Variants in OCA2 observed in about 807,000 individuals in gnomAD.
The protein encoded by OCA2 is OCA2 melanosomal transmembrane protein, also known as P protein.
In OCA2, 77 loss-of-function variants were observed where a neutral mutation model predicts 100.2. The observed-to-expected ratio is 0.77, with a 90% CI of 0.64 to 0.93. OCA2 has a LOEUF of 0.93. Ranked by LOEUF, OCA2 falls within the 40% of genes least tolerant of loss-of-function variation. OCA2 has a pLI of 0.00. For synonymous variants in OCA2, 432 were observed against 439.2 expected (o/e 0.98, Z 0.21); for missense variants, 1,062 against 1,089.1 (o/e 0.98, Z 0.35).
At chr15:27,876,872 T>C (rs1024502737) in intron 19 of OCA2, among the ~76,000 whole-genome samples, 1 of 151,902 alleles carries the variant, frequency 6.6e-6, no homozygotes, top group African/African-American at 2.4e-5. Flanking sequence ...TTTTTCTGCT[T>C]TGTCTGTTTC....
chr15:27,823,795 C>A lies in OCA2; in HGVS notation c.2432+21164G>T, dbSNP rs1036363069. 2.6e-5 allele frequency among the ~76,000 whole-genome samples: 4 copies of A among 152,048 alleles called. No homozygotes were observed. In the South Asian group the frequency reaches 6.2e-4, roughly 24 times the overall value. ...CAATAAATTAGTCATGTAGCTGCAACAATAAAAATAAAATGCAATGTTGAC... is the reference window on the plus strand; with the variant it reads ...CAATAAATTAGTCATGTAGCTGCAAAAATAAAAATAAAATGCAATGTTGAC... On this transcript the variant is annotated intron_variant, in intron 23 of 23. Coordinates refer to ENST00000354638, the MANE Select transcript of OCA2 (RefSeq NM_000275.3).
At chr15:28,016,533 C>A (rs1322812250) in intron 7 of OCA2, among the ~76,000 whole-genome samples, 1 of 152,232 alleles carries the variant, frequency 6.6e-6, no homozygotes, top group Admixed American at 6.5e-5. Context: ...AATCCCAACA[C>A]TTTGGGAGGC....
chr15:28,001,108 T>G (rs1485395540), intron 9 of OCA2, among the ~76,000 whole-genome samples: 1 of 152,218 alleles, frequency 6.6e-6, no homozygotes, highest in African/African-American at 2.4e-5. Flanking sequence ...CTTCTGGGTC[T>G]ATATCCAAAG....
At chr15:27,981,858 T>C (rs1248115245) in intron 14 of OCA2, among the ~76,000 whole-genome samples, 1 of 152,202 alleles carries the variant, frequency 6.6e-6, no homozygotes, top group Non-Finnish European at 1.5e-5. Flanking sequence ...TTCAGCTTCA[T>C]CCTCTCAACT....
chr15:27,777,442 T>C (rs2032300428), intron 23 of OCA2, among the ~76,000 whole-genome samples: 1 of 152,180 alleles, frequency 6.6e-6, no homozygotes, highest in South Asian at 2.1e-4. Flanking sequence ...TATGCATTGC[T>C]TCTCTAGCTG....
the OCA2 span, among the ~76,000 whole-genome samples, chr15:27,743,061 T>TCTGC: frequency 2.0e-5 from 3 of 152,240 alleles, no homozygotes; most frequent in African/African-American, 7.2e-5. Flanking sequence ...ATTGGCTGCC[T>TCTGC]CTGCGATCCT....
At chr15:27,868,181 T>C (rs938366590) in intron 21 of OCA2, among the ~76,000 whole-genome samples, 1 of 152,176 alleles carries the variant, frequency 6.6e-6, no homozygotes, top group African/African-American at 2.4e-5. Context: ...TGGGGGTTTC[T>C]AAGCATTAAA....
chr15:27,819,404 C>T (rs533353154), intron 23 of OCA2, among the ~76,000 whole-genome samples: 10 of 152,322 alleles, frequency 6.6e-5, no homozygotes, highest in African/African-American at 2.2e-4. Context: ...TTACAGTAGT[C>T]AAGGTCCCCC....
At chr15:27,928,555 G>A (rs1163309394) in intron 18 of OCA2, among the ~76,000 whole-genome samples, 1 of 152,136 alleles carries the variant, frequency 6.6e-6, no homozygotes, top group East Asian at 1.9e-4. Flanking sequence ...CTGTCTGGAG[G>A]CTCTAGGGGA....
chr15:27,977,124 G>T (rs2040994203), intron 14 of OCA2, among the ~76,000 whole-genome samples: 1 of 152,100 alleles, frequency 6.6e-6, no homozygotes, highest in Non-Finnish European at 1.5e-5. Flanking sequence ...TCTTATTCTT[G>T]ATATTAGTAA....
At chr15:27,945,052 C>A (rs112231537) in intron 18 of OCA2, among the ~76,000 whole-genome samples, 4,714 of 152,262 alleles carry the variant, frequency 0.031, 192 homozygotes, top group African/African-American at 0.09. Context: ...TAGGCCACTG[C>A]CTGCATGTGT....
At chr15:27,751,838 G>A (rs2030075144), downstream of OCA2, among the ~76,000 whole-genome samples, 1 of 152,228 alleles carries the variant, frequency 6.6e-6, no homozygotes, top group Non-Finnish European at 1.5e-5. Flanking sequence ...AGCAGCTCCA[G>A]GCTGCCACTG....
intron 15 of OCA2, among the ~76,000 whole-genome samples, chr15:27,965,211 T>C (rs936473685): frequency 5.3e-5 from 8 of 152,196 alleles, no homozygotes; most frequent in Admixed American, 4.6e-4. Context: ...AGGACAATTA[T>C]CCACCACGAT....
intron 2 of OCA2, among the ~76,000 whole-genome samples, chr15:28,046,559 G>T (rs2043354308): frequency 6.6e-6 from 1 of 152,144 alleles, no homozygotes; most frequent in South Asian, 2.1e-4. Context: ...CATGCCCCAT[G>T]GGCTGAACCC....
intron 14 of OCA2, among the ~76,000 whole-genome samples, chr15:27,972,436 T>A (rs1350629867): frequency 6.6e-6 from 1 of 152,252 alleles, no homozygotes; most frequent in Non-Finnish European, 1.5e-5. Flanking sequence ...GTATTTTCCA[T>A]AAGGGTTGTA....
At chr15:27,922,486 C>T (rs914523657) in intron 19 of OCA2, among the ~76,000 whole-genome samples, 2 of 152,182 alleles carry the variant, frequency 1.3e-5, no homozygotes, top group African/African-American at 2.4e-5. Flanking sequence ...ATGATTGAAT[C>T]CTGCATCTTT....
At chr15:28,095,491 C>A (rs890414060) in intron 1 of OCA2, among the ~76,000 whole-genome samples, 3 of 152,060 alleles carry the variant, frequency 2.0e-5, no homozygotes, top group Non-Finnish European at 2.9e-5. Context: ...CCAAGGCGGA[C>A]GGATCACTTG....
At chr15:27,720,407 A>AT in the OCA2 span, among the ~76,000 whole-genome samples, 1 of 149,842 alleles carries the variant, frequency 6.7e-6, no homozygotes, top group Non-Finnish European at 1.5e-5. Flanking sequence ...TATGTTATAT[A>AT]TATGCATTTA....
At chr15:27,750,388 C>A (rs1159864539), downstream of OCA2, among the ~76,000 whole-genome samples, 1 of 152,188 alleles carries the variant, frequency 6.6e-6, no homozygotes, top group Non-Finnish European at 1.5e-5. Context: ...CCTGGACAGG[C>A]ACACTCACCG....
Sources: gnomAD v4.1 joint callset for allele counts (sites outside exome capture counted in the v4.1 genomes callset) on GRCh38, gnomAD v4.1.1 for gene constraint, MANE v1.5 for transcripts, NCBI Gene and HGNC (gene_info 2026-07-23, HGNC 2026-07-21) for gene names.